The following CLCA4 variants were observed in gnomAD, a reference collection of about 807,000 sequenced individuals.
The protein encoded by CLCA4 is chloride channel accessory 4.
A neutral mutation model predicts 78.9 loss-of-function variants in CLCA4; 69 were observed. The observed-to-expected ratio is 0.87, with a 90% CI of 0.72 to 1.07. The LOEUF (loss-of-function observed/expected upper bound fraction) is 1.07, where lower values mean the gene tolerates loss of function less well. CLCA4 is among the 50% of genes least tolerant of loss of function. The probability of loss-of-function intolerance (pLI) is 0.00; values close to 1 mark genes in which losing one functional copy is unlikely to be tolerated. For missense variants in CLCA4, 1,133 were observed against 1,095.8 expected (o/e 1.03, Z -0.48); for synonymous variants, 362 against 375.8 (o/e 0.96, Z 0.42).
At chr1:86,553,055 C>G in intron 1 of CLCA4, 1 of 658,200 alleles carries the variant, frequency 1.5e-6, no homozygotes, top group Non-Finnish European at 2.7e-6. Flanking sequence ...CACAGAATCT[C>G]CATGAAGACC....
At chr1:86,555,027 T>C (rs368672986) in intron 1 of CLCA4, among the ~76,000 whole-genome samples, 6 of 152,320 alleles carry the variant, frequency 3.9e-5, no homozygotes, top group Admixed American at 3.9e-4. Flanking sequence ...CATCTGTTCA[T>C]GTCCTTTGCC....
At chr1:86,553,217 C>T (rs1174335804) in intron 1 of CLCA4, 1 of 1,168,300 alleles carries the variant, frequency 8.6e-7, no homozygotes, top group East Asian at 2.4e-5. Flanking sequence ...GCAGCTTCAC[C>T]AGGGACATGT....
chr1:86,559,119 T>A (rs1649937198), intron 1 of CLCA4, among the ~76,000 whole-genome samples: 1 of 152,196 alleles, frequency 6.6e-6, no homozygotes. Flanking sequence ...GAAGTTTTCA[T>A]AGATGATATG....
At chr1:86,552,393 G>A (rs1649692249) in intron 1 of CLCA4, among the ~76,000 whole-genome samples, 1 of 152,350 alleles carries the variant, frequency 6.6e-6, no homozygotes, top group South Asian at 2.1e-4. Flanking sequence ...GAGAGGAGAA[G>A]TCTTCCAGGA....
chr1:86,557,905 T>A (rs1232784565), intron 1 of CLCA4, among the ~76,000 whole-genome samples: 2 of 152,194 alleles, frequency 1.3e-5, no homozygotes. Context: ...TAGTTAGAGC[T>A]TCTTGTTAAA....
chr1:86,580,408 GTAA>G lies in CLCA4; in HGVS notation c.*64_*66del. 3 of 1,239,356 alleles carry G rather than the reference GTAA, an allele frequency of 2.4e-6. No homozygotes were observed. The highest frequency in any genetic ancestry group is 3.3e-6 in the Non-Finnish European group (3 of 915,522). The allele number at this position is 1,239,356 out of a possible 1,614,324, so 76.8% of individuals were successfully genotyped here. A position where few individuals can be genotyped will look rare whatever the true frequency, so the allele number is the denominator to read the frequency against. ...AGAGAGTTTTAAAAAACAAAACAAT[GTAA>G]GTAAAGGATATTTCTGAATCTTAAA... On this transcript the variant is annotated 3_prime_UTR_variant, in exon 14 of 14. Transcript: ENST00000370563.
In CLCA4 at chr1:86,563,748, C is replaced by CA. The variant is rs760255767; in HGVS notation, c.544dup (p.Ile182AsnfsTer13). ...GATCAGCCTTTCTACCGTGCTAAGT[C>CA]AAAAAAAATCGAAGCAACAAGGCAT... On this transcript the variant is annotated frameshift_variant, in exon 4 of 14. Transcript: ENST00000370563. LOFTEE classifies it high-confidence loss of function. 4.5e-5 allele frequency: 72 copies of CA among 1,598,844 alleles called. No homozygotes were observed. Among genetic ancestry groups the CA allele is most frequent in the South Asian group, 1.2e-4 (11 of 89,102 alleles).
intron 3 of CLCA4, among the ~76,000 whole-genome samples, chr1:86,563,105 A>G (rs932771379): frequency 6.6e-6 from 1 of 151,848 alleles, no homozygotes; most frequent in Non-Finnish European, 1.5e-5. Flanking sequence ...ATTTACTTTT[A>G]TTCCTCCATT....
At chr1:86,579,618 T>G (rs773592188) in intron 13 of CLCA4, 31 bp downstream of exon 13, 5 of 1,487,904 alleles carry the variant, frequency 3.4e-6, no homozygotes, top group Non-Finnish European at 4.6e-6. Flanking sequence ...GATTTTGACT[T>G]AAGTAAAAGG....
At chr1:86,551,333 A>AT (rs1461063020) in intron 1 of CLCA4, among the ~76,000 whole-genome samples, 2 of 151,772 alleles carry the variant, frequency 1.3e-5, no homozygotes, top group Non-Finnish European at 2.9e-5. Context: ...TTGATGGATA[A>AT]TTTTTTAATA....
In CLCA4 at chr1:86,559,929, C is replaced by A. The variant is rs758792326; in HGVS notation, c.160-3C>A. The A allele has an allele frequency of 1.9e-6, 3 of 1,584,192 alleles. No individual in the cohort carries two copies. Among genetic ancestry groups the A allele is most frequent in the Non-Finnish European group, 2.6e-6 (3 of 1,170,368 alleles). The stretch of plus-strand genomic sequence containing the variant: ...CCTCACATATTTTTTCCTTTAATGA[C>A]AGGATATGGTGACTACAGCTTCTAC... On this transcript the variant is annotated splice_polypyrimidine_tract_variant and splice_region_variant and intron_variant, in intron 1 of 13. Transcript: ENST00000370563.
At position 86,580,187 on chromosome 1, in the gene CLCA4, C is replaced by T. The variant is rs769130665; in HGVS notation, c.2602C>T (p.Pro868Ser). The change falls in exon 14 of 14, where the codon CCT becomes TCT. Residue 868 changes from proline to serine, a missense_variant. Physicochemically the swap from Pro to Ser is moderately conservative, Grantham distance 74 (BLOSUM62 -1). Coordinates refer to ENST00000370563, the MANE Select transcript of CLCA4 (RefSeq NM_012128.4). ...CATTGCACAAGTAACTTTGTTTATC[C>T]CTCAAGCAAATCCTGATGACATTGA... ...SNIAQVTLFIPQANPDDIDPT... is the reference protein window; with the variant it reads ...SNIAQVTLFISQANPDDIDPT... 1.4e-5 allele frequency: 22 copies of T among 1,610,548 alleles called. No individual in the cohort carries two copies. The highest frequency in any genetic ancestry group is 1.6e-4 in the Middle Eastern group (1 of 6,070).
chr1:86,567,485 A>G lies in CLCA4; in HGVS notation c.1016A>G (p.Glu339Gly), dbSNP rs1342104922. Residue 339 changes from glutamate to glycine, a missense_variant, in exon 7 of 14, where the codon GAA (glutamate) becomes GGA (glycine). Transcript: ENST00000370563. ...AAKHFLLQTV[E>G]NGSWVGMVHF... ...AAACATTTCCTGCTGCAGACTGTTG[A>G]AAATGGATCCTGGGTGGGGATGGTT... 3.7e-6 allele frequency: 6 copies of G among 1,613,246 alleles called. No individual in the cohort carries two copies. The highest frequency in any genetic ancestry group is 5.1e-6 in the Non-Finnish European group (6 of 1,179,492).
At chr1:86,549,229 C>A (rs530947221) in intron 1 of CLCA4, among the ~76,000 whole-genome samples, 1 of 152,088 alleles carries the variant, frequency 6.6e-6, no homozygotes, top group African/African-American at 2.4e-5. Context: ...GATGTGTCAG[C>A]ACAGACCTGA....
chr1:86,575,791 A>G (rs1416448862), intron 11 of CLCA4, among the ~76,000 whole-genome samples, 192 bp downstream of exon 11: 1 of 152,026 alleles, frequency 6.6e-6, no homozygotes, highest in Non-Finnish European at 1.5e-5. Context: ...TGTGGTAAGC[A>G]CTCAATCAAT....
intron 3 of CLCA4, among the ~76,000 whole-genome samples, chr1:86,562,267 A>AT (rs981041585): frequency 3.5e-4 from 54 of 152,290 alleles, no homozygotes; most frequent in African/African-American, 1.2e-3. Context: ...AGACTCTTAA[A>AT]TTTTTCTTAA....
intron 1 of CLCA4, chr1:86,553,389 C>T (rs1649723321): frequency 2.0e-6 from 1 of 496,516 alleles, no homozygotes; most frequent in East Asian, 3.6e-5. Flanking sequence ...TCTCGTGCAT[C>T]CCACACGAAG....
chr1:86,555,717 T>C (rs1193780865), intron 1 of CLCA4, among the ~76,000 whole-genome samples: 1 of 152,232 alleles, frequency 6.6e-6, no homozygotes, highest in African/African-American at 2.4e-5. Context: ...AAAATAGTTT[T>C]TTTCTAGTGG....
intron 3 of CLCA4, among the ~76,000 whole-genome samples, chr1:86,562,841 G>A (rs1388507305): frequency 2.4e-4 from 32 of 134,076 alleles, no homozygotes; most frequent in African/African-American, 8.0e-4. Flanking sequence ...GCGACAGTGC[G>A]AGACTCCATC....
Sources: allele counts gnomAD v4.1 joint callset (sites outside exome capture counted in the v4.1 genomes callset), GRCh38; gene constraint gnomAD v4.1.1; transcripts MANE v1.5; gene names NCBI Gene and HGNC (gene_info 2026-07-23, HGNC 2026-07-21).